Variants in EIF4ENIF1 observed in about 807,000 individuals in gnomAD.
The protein encoded by EIF4ENIF1 is eukaryotic translation initiation factor 4E transporter.
Under a neutral mutation model 110.5 loss-of-function variants are expected in EIF4ENIF1, and 23 were observed. The observed-to-expected ratio is 0.21, with a 90% confidence interval of 0.15 to 0.29. EIF4ENIF1 has a LOEUF of 0.29. Ranked by LOEUF, EIF4ENIF1 falls within the 10% of genes least tolerant of loss-of-function variation. The probability of loss-of-function intolerance (pLI) is 1.00; values close to 1 mark genes in which losing one functional copy is unlikely to be tolerated. For missense variants in EIF4ENIF1, 1,031 were observed against 1,221.1 expected (o/e 0.84, Z 2.32); for synonymous variants, 440 against 437.0 (o/e 1.01, Z -0.09).
intron 4 of EIF4ENIF1, among the ~76,000 whole-genome samples, chr22:31,467,807 C>CA (rs796953682): frequency 6.1e-5 from 9 of 147,330 alleles, no homozygotes; most frequent in Middle Eastern, 3.4e-3. Flanking sequence ...AAAAACAGAA[C>CA]AAAAAAAAAA....
intron 14 of EIF4ENIF1, chr22:31,446,847 T>C: frequency 3.4e-6 from 1 of 295,662 alleles, no homozygotes; most frequent in Non-Finnish European, 7.0e-6. Context: ...CCCTAACTTA[T>C]GATTAATTTC....
intron 10 of EIF4ENIF1, 55 bp downstream of exon 10, chr22:31,454,089 G>T: frequency 6.6e-7 from 1 of 1,505,522 alleles, no homozygotes; most frequent in Non-Finnish European, 9.1e-7. Flanking sequence ...ATTGTGGTGG[G>T]AAAAAGAAGA....
upstream of EIF4ENIF1, among the ~76,000 whole-genome samples, chr22:31,493,429 A>G (rs2052299706): frequency 6.7e-6 from 1 of 148,968 alleles, no homozygotes; most frequent in African/African-American, 2.5e-5. Flanking sequence ...GAGTTCAAGC[A>G]ATTCTCATGC....
intron 6 of EIF4ENIF1, among the ~76,000 whole-genome samples, chr22:31,461,367 C>T (rs933235361): frequency 4.6e-5 from 7 of 152,174 alleles, no homozygotes; most frequent in Middle Eastern, 3.2e-3. Flanking sequence ...AGGTACTTCA[C>T]ACACATTAGC....
chr22:31,463,210 T>A, intron 5 of EIF4ENIF1, 77 bp from the exon 6 acceptor site: 1 of 1,369,716 alleles, frequency 7.3e-7, no homozygotes, highest in Non-Finnish European at 1.0e-6. Flanking sequence ...TTCGTTGTAA[T>A]GTTCAATAGT....
In EIF4ENIF1 at chr22:31,441,947, G is replaced by C. The variant is rs766577446; in HGVS notation, c.2378C>G (p.Pro793Arg). Residue 793 changes from proline (P) to arginine (R), a missense_variant, in exon 17 of 19, where the codon CCC becomes CGC. Transcript: ENST00000330125. ...YRPKATGRKT[P>R]TLASPVPTTP... Reference sequence around the variant, plus strand: ...TGTAGGAACTGGGGATGCCAAGGTGGGTGTTTTTCTCCCAGTTGCTTTAGG... The same window carrying C: ...TGTAGGAACTGGGGATGCCAAGGTGCGTGTTTTTCTCCCAGTTGCTTTAGG... The C allele has an allele frequency of 1.2e-6, 2 of 1,614,112 alleles. No individual in the cohort carries two copies. The highest frequency in any genetic ancestry group is 2.2e-5 in the South Asian group (2 of 91,086).
At chr22:31,470,469 C>T (rs371178570) in intron 3 of EIF4ENIF1, among the ~76,000 whole-genome samples, 1 of 151,878 alleles carries the variant, frequency 6.6e-6, no homozygotes, top group African/African-American at 2.4e-5. Flanking sequence ...TTAGTAGACA[C>T]AGGGTTTCGC....
chr22:31,480,930 GCA>G (rs1381714886), intron 2 of EIF4ENIF1, among the ~76,000 whole-genome samples: 1 of 152,098 alleles, frequency 6.6e-6, no homozygotes, highest in Non-Finnish European at 1.5e-5. Flanking sequence ...GGGCATGGTG[GCA>G]CACACCTGTA....
chr22:31,441,349 G>A (rs942683180), intron 17 of EIF4ENIF1, among the ~76,000 whole-genome samples: 2 of 151,886 alleles, frequency 1.3e-5, no homozygotes, highest in Non-Finnish European at 2.9e-5. Flanking sequence ...ACCAGCCTGG[G>A]CAACACGGTG....
chr22:31,449,563 T>A, intron 11 of EIF4ENIF1, 32 bp from the exon 12 acceptor site: 2 of 1,593,808 alleles, frequency 1.3e-6, no homozygotes, highest in Non-Finnish European at 1.7e-6. Flanking sequence ...CCCTGTGAAC[T>A]TAGTTATTCC....
At chr22:31,489,341 G>A (rs1820658947) in intron 1 of EIF4ENIF1, 1 of 152,512 alleles carries the variant, frequency 6.6e-6, no homozygotes, top group South Asian at 2.1e-4. Flanking sequence ...CCCTCACGCA[G>A]GCCCGGGCCC....
chr22:31,464,804 A>T (rs1167933910), intron 4 of EIF4ENIF1, among the ~76,000 whole-genome samples: 5 of 148,318 alleles, frequency 3.4e-5, no homozygotes, highest in African/African-American at 1.2e-4. Flanking sequence ...TTTCTAGAAC[A>T]AAATATAGGA....
rs547718581 is a variant in EIF4ENIF1, at chr22:31,439,513, A to G, written c.*367T>C. 2 of 198,960 alleles carry G rather than the reference A, an allele frequency of 1.0e-5. No homozygotes were observed. Among genetic ancestry groups the G allele is most frequent in the South Asian group, 9.9e-5 (1 of 10,072 alleles). 12.3% of individuals were successfully genotyped at this position (198,960 alleles called of 1,614,324 possible). ...CTGTATAGTTCAAAAAAGCTATCCT[A>G]TATGTATATACAAAAGTTGTTTATA... On this transcript the variant is annotated 3_prime_UTR_variant, in exon 19 of 19. Transcript: ENST00000330125.
At chr22:31,438,889 G>C (rs987603379), downstream of EIF4ENIF1, among the ~76,000 whole-genome samples, 2 of 152,008 alleles carry the variant, frequency 1.3e-5, no homozygotes, top group Non-Finnish European at 2.9e-5. Flanking sequence ...TGCCCAGCTA[G>C]TTTTGTATTT....
Position 31,439,537 on chromosome 22 carries a change from T to TAC in EIF4ENIF1, c.*341_*342dup. The TAC allele has an allele frequency of 4.4e-6, 1 of 227,956 alleles. No individual in the cohort carries two copies. The highest frequency in any genetic ancestry group is 8.6e-6 in the Non-Finnish European group (1 of 115,974). 14.1% of individuals were successfully genotyped at this position (227,956 alleles called of 1,614,324 possible). A position where few individuals can be genotyped will look rare whatever the true frequency, so the allele number is the denominator to read the frequency against. On this transcript the variant is annotated 3_prime_UTR_variant, in exon 19 of 19. Transcript: ENST00000330125. ...TATATGTATATACAAAAGTTGTTTA[T>TAC]ACACAGGTCTGTACATAAGGGTCTA...
Position 31,441,973 on chromosome 22 carries a change from T to C in EIF4ENIF1, c.2352A>G (p.Arg784=). ...ANRYTKEQDY[R]PKATGRKTPT... ...GTGTTTTTCTCCCAGTTGCTTTAGGTCGATAATCTTGTTCTTTGGTGTAAC... is the reference window on the plus strand; with the variant it reads ...GTGTTTTTCTCCCAGTTGCTTTAGGCCGATAATCTTGTTCTTTGGTGTAAC... Residue 784 remains arginine, a synonymous_variant, in exon 17 of 19, where the codon CGA becomes CGG. Coordinates refer to ENST00000330125, the MANE Select transcript of EIF4ENIF1 (RefSeq NM_019843.4). The C allele has an allele frequency of 6.2e-7, 1 of 1,614,102 alleles. No homozygotes were observed. The highest frequency in any genetic ancestry group is 8.5e-7 in the Non-Finnish European group (1 of 1,180,020).
chr22:31,448,340 ACTGAT>A, intron 12 of EIF4ENIF1, 108 bp from the exon 13 acceptor site: 2 of 1,131,784 alleles, frequency 1.8e-6, no homozygotes, highest in Non-Finnish European at 2.7e-6. Flanking sequence ...CTTGGAAAGC[ACTGAT>A]TTATTGGGCT....
chr22:31,438,469 G>A (rs1327614280), downstream of EIF4ENIF1, among the ~76,000 whole-genome samples: 1 of 152,150 alleles, frequency 6.6e-6, no homozygotes, highest in Non-Finnish European at 1.5e-5. Context: ...TCAGAACTCT[G>A]AGCTTAGAGA....
intron 3 of EIF4ENIF1, among the ~76,000 whole-genome samples, chr22:31,470,670 C>T (rs1349341737): frequency 6.7e-6 from 1 of 150,108 alleles, no homozygotes; most frequent in Admixed American, 6.6e-5. Flanking sequence ...TGTTCAATTT[C>T]CTGGTTAAAT....
Sources: allele counts gnomAD v4.1 joint callset (sites outside exome capture counted in the v4.1 genomes callset), GRCh38; gene constraint gnomAD v4.1.1; transcripts MANE v1.5; gene names NCBI Gene and HGNC (gene_info 2026-07-23, HGNC 2026-07-21).